Variants in SGCZ observed in about 807,000 individuals in gnomAD.
SGCZ encodes zeta-sarcoglycan.
A neutral mutation model predicts 41.3 loss-of-function variants in SGCZ; 40 were observed. The observed-to-expected ratio is 0.97, with a 90% confidence interval of 0.75 to 1.26. The LOEUF (loss-of-function observed/expected upper bound fraction) is 1.26, where lower values mean the gene tolerates loss of function less well. Ranked by LOEUF, SGCZ falls within the 50% of genes most tolerant of loss-of-function variation. The pLI, the probability that SGCZ is intolerant of heterozygous loss-of-function variation, is 0.00. For synonymous variants in SGCZ, 206 were observed against 137.5 expected (o/e 1.50, Z -3.49); for missense variants, 552 against 369.8 (o/e 1.49, Z -4.04).
intron 4 of SGCZ, among the ~76,000 whole-genome samples, chr8:14,199,214 G>C (rs113444781): frequency 0.068 from 10,335 of 152,168 alleles, 808 homozygotes; most frequent in African/African-American, 0.19. Context: ...TGTCCCTAAG[G>C]GGAGGACTCT....
intron 3 of SGCZ, among the ~76,000 whole-genome samples, chr8:14,254,965 C>A (rs534634721): frequency 1.3e-5 from 2 of 152,040 alleles, no homozygotes; most frequent in Admixed American, 6.6e-5. Flanking sequence ...GAACTAGATT[C>A]AGAAAAATCA....
chr8:14,495,556 T>A (rs189906891), intron 2 of SGCZ, among the ~76,000 whole-genome samples: 1 of 152,226 alleles, frequency 6.6e-6, no homozygotes, highest in Admixed American at 6.5e-5. Context: ...TGTATATCAA[T>A]AGTGTACATT....
intron 1 of SGCZ, among the ~76,000 whole-genome samples, chr8:14,694,448 T>C (rs763103607): frequency 2.6e-5 from 4 of 152,332 alleles, no homozygotes; most frequent in South Asian, 2.1e-4. Flanking sequence ...GTGTTTATTA[T>C]AGTTGTCAAG....
At chr8:14,905,741 G>A (rs573702193) in intron 1 of SGCZ, among the ~76,000 whole-genome samples, 1 of 151,964 alleles carries the variant, frequency 6.6e-6, no homozygotes, top group African/African-American at 2.4e-5. Context: ...GAAGCTATAG[G>A]CCAGATGGGC....
intron 2 of SGCZ, among the ~76,000 whole-genome samples, chr8:14,439,982 C>CA (rs1023455667): frequency 4.0e-5 from 6 of 150,994 alleles, no homozygotes; most frequent in African/African-American, 9.7e-5. Flanking sequence ...ATATTAGGGA[C>CA]AAAAAAAATT....
At chr8:14,601,280 T>G (rs1470610021) in intron 1 of SGCZ, among the ~76,000 whole-genome samples, 2 of 152,080 alleles carry the variant, frequency 1.3e-5, no homozygotes, top group Non-Finnish European at 2.9e-5. Context: ...ATTTCTTTCC[T>G]AGTATAAAAA....
At chr8:15,138,509 T>C (rs1299124111) in intron 1 of SGCZ, among the ~76,000 whole-genome samples, 4 of 152,206 alleles carry the variant, frequency 2.6e-5, no homozygotes, top group Admixed American at 6.5e-5. Flanking sequence ...CCACGGGTCA[T>C]GGGAGGGACC....
intron 2 of SGCZ, among the ~76,000 whole-genome samples, chr8:14,513,163 C>G (rs1298014366): frequency 2.6e-5 from 4 of 152,012 alleles, no homozygotes; most frequent in Non-Finnish European, 5.9e-5. Flanking sequence ...TTGCCTCAGC[C>G]TCCCAAGTAG....
intron 1 of SGCZ, among the ~76,000 whole-genome samples, chr8:15,016,231 C>T (rs1803028093): frequency 6.6e-6 from 1 of 152,108 alleles, no homozygotes; most frequent in South Asian, 2.1e-4. Context: ...CATCCCATCC[C>T]CTCTCATTTC....
At chr8:14,584,413 A>G (rs1410112775) in intron 1 of SGCZ, among the ~76,000 whole-genome samples, 3 of 152,076 alleles carry the variant, frequency 2.0e-5, no homozygotes, top group Non-Finnish European at 4.4e-5. Context: ...CTAGGCTAAG[A>G]TTTTTTAAAT....
chr8:14,266,553 G>T (rs1033643542), intron 3 of SGCZ, among the ~76,000 whole-genome samples: 1 of 151,998 alleles, frequency 6.6e-6, no homozygotes, highest in African/African-American at 2.4e-5. Flanking sequence ...GGAGAGAGAA[G>T]GAAAGGGACA....
At chr8:14,807,896 G>C (rs1372414731) in intron 1 of SGCZ, among the ~76,000 whole-genome samples, 1 of 151,936 alleles carries the variant, frequency 6.6e-6, no homozygotes, top group Non-Finnish European at 1.5e-5. Flanking sequence ...TAGATCAATG[G>C]AACAGAACAG....
intron 1 of SGCZ, among the ~76,000 whole-genome samples, chr8:14,764,201 G>T (rs968027513): frequency 6.6e-6 from 1 of 152,184 alleles, no homozygotes; most frequent in Non-Finnish European, 1.5e-5. Context: ...CTTATTCACA[G>T]AAATATGTCA....
chr8:14,818,172 T>A (rs922069933), intron 1 of SGCZ, among the ~76,000 whole-genome samples: 1 of 152,008 alleles, frequency 6.6e-6, no homozygotes, highest in African/African-American at 2.4e-5. Context: ...CACTCACACA[T>A]TCATGAGCTC....
At chr8:14,486,225 C>A (rs1038375235) in intron 2 of SGCZ, among the ~76,000 whole-genome samples, 2 of 152,146 alleles carry the variant, frequency 1.3e-5, no homozygotes, top group Admixed American at 6.5e-5. Context: ...CACTTCCTCT[C>A]CCCCTTGAAA....
At chr8:14,507,129 C>CAAACTGTCTTTTCAATTGATCGGGACAA (rs141815698) in intron 2 of SGCZ, among the ~76,000 whole-genome samples, 13,199 of 152,078 alleles carry the variant, frequency 0.087, 1,008 homozygotes, top group African/African-American at 0.21. Flanking sequence ...CCCTATCTTC[C>CAAACTGTCTTTTCAATTGATCGGGACAA]AAACTGTATT....
chr8:14,978,468 CACAAAAAAAAAA>C (rs1324079682), intron 1 of SGCZ, among the ~76,000 whole-genome samples: 2 of 14,728 alleles, frequency 1.4e-4, no homozygotes, highest in Non-Finnish European at 1.2e-4. Flanking sequence ...GAGACACCGT[CACAAAAAAAAAA>C]AAAAAAAAAA....
intron 1 of SGCZ, among the ~76,000 whole-genome samples, chr8:14,963,338 CT>C (rs34842580): frequency 0.39 from 57,277 of 145,442 alleles, 11,068 homozygotes; most frequent in Non-Finnish European, 0.43. Context: ...TCTTTTTCTT[CT>C]TTTTTTTTTT....
In SGCZ at chr8:15,015,002, G is replaced by T. The variant is rs1318164103; in HGVS notation, c.39+222583C>A. Among the ~76,000 whole-genome samples, 4 of 152,324 alleles carry T rather than the reference G, an allele frequency of 2.6e-5. No homozygotes were observed. In the East Asian group the frequency reaches 5.8e-4, roughly 22 times the overall value. The stretch of plus-strand genomic sequence containing the variant: ...ACTCATGCCTGTAATCCCACTTTGG[G>T]AGGCCAAGGCGGGTAGACCACTTGA... On this transcript the variant is annotated intron_variant, in intron 1 of 7. Transcript: ENST00000382080.
Sources: allele counts gnomAD v4.1 joint callset (sites outside exome capture counted in the v4.1 genomes callset), GRCh38; gene constraint gnomAD v4.1.1; transcripts MANE v1.5; gene names NCBI Gene and HGNC (gene_info 2026-07-23, HGNC 2026-07-21).